The following TMEM120B variants were observed in gnomAD, a reference collection of about 807,000 sequenced individuals.
TMEM120B encodes transmembrane protein 120B.
Under a neutral mutation model 55.5 loss-of-function variants are expected in TMEM120B, and 31 were observed. That is an observed-to-expected ratio of 0.56 (90% CI 0.42 to 0.75). The LOEUF (loss-of-function observed/expected upper bound fraction) is 0.75. Ranked by LOEUF, TMEM120B falls within the 30% of genes least tolerant of loss-of-function variation. The pLI is 0.00. For missense variants in TMEM120B, 399 were observed against 425.5 expected, an observed-to-expected ratio of 0.94 and a Z score of 0.55; for synonymous variants, 203 against 176.3, an observed-to-expected ratio of 1.15 and a Z score of -1.20.
intron 1 of TMEM120B, among the ~76,000 whole-genome samples, chr12:121,718,649 G>A (rs908755832): frequency 2.0e-5 from 3 of 152,096 alleles, no homozygotes; most frequent in Non-Finnish European, 2.9e-5. Context: ...TACTAATACC[G>A]TGGGCTCCAA....
intron 4 of TMEM120B, among the ~76,000 whole-genome samples, chr12:121,750,890 AC>A (rs1234256587): frequency 2.3e-5 from 1 of 42,732 alleles, no homozygotes; most frequent in Non-Finnish European, 4.5e-5. Flanking sequence ...ACCACACCCC[AC>A]ATCCCACACC....
rs1227306315 is a variant in TMEM120B at position 121,778,542 on chromosome 12, A to G, written c.*2820A>G. On this transcript the variant is annotated 3_prime_UTR_variant, in exon 12 of 12. Coordinates refer to ENST00000449592, the MANE Select transcript of TMEM120B (RefSeq NM_001080825.2). ...TTAGGTATCTGGCTGTTGGTGACAC[A>G]GGTGGTCTATGAACCAGTTCTGAGA... 6.6e-6 allele frequency: 1 copy of G among 152,058 alleles called. No individual in the cohort carries two copies. Among genetic ancestry groups the G allele is most frequent in the Non-Finnish European group, 1.5e-5 (1 of 68,060 alleles). The allele number at this position is 152,058 out of a possible 1,614,324, so 9.4% of individuals were successfully genotyped here.
rs113231839 is a variant in TMEM120B, at chr12:121,772,567, G to A, written c.680-854G>A. Among the ~76,000 whole-genome samples, 793 of 151,952 alleles carry A rather than the reference G, an allele frequency of 5.2e-3. 12 individuals carry two copies. The highest frequency in any genetic ancestry group is 0.018 in the African/African-American group (763 of 41,436). On this transcript the variant is annotated intron_variant, in intron 8 of 11. Transcript: ENST00000449592. ...CTCCTGCCAAGTAGCTGGGATTACA[G>A]GTGCCTGCCACCATGCCTGGTTACT...
At chr12:121,750,225 C>T (rs543535869) in intron 3 of TMEM120B, among the ~76,000 whole-genome samples, 155 bp from the exon 4 acceptor site, 6 of 152,002 alleles carry the variant, frequency 3.9e-5, no homozygotes, top group Admixed American at 3.9e-4. Context: ...TTGTCATTCT[C>T]ACTCGATGTG....
In TMEM120B at chr12:121,776,499, C is replaced by G. The variant is rs533405538; in HGVS notation, c.*777C>G. On this transcript the variant is annotated 3_prime_UTR_variant, in exon 12 of 12. Transcript: ENST00000449592. The stretch of plus-strand genomic sequence containing the variant: ...GCCCCTGTGGAGGGGAACCACCTCC[C>G]CCCTCCTTCCCAGAGCTTCTGGATG... 6.6e-6 allele frequency: 1 copy of G among 152,246 alleles called. No individual in the cohort carries two copies. The highest frequency in any genetic ancestry group is 1.5e-5 in the Non-Finnish European group (1 of 68,070). The allele number at this position is 152,246 out of a possible 1,614,324, so 9.4% of individuals were successfully genotyped here. A position where few individuals can be genotyped will look rare whatever the true frequency, so the allele number is the denominator to read the frequency against.
At chr12:121,747,263 TGGGAGGCTGGGGTAGAAGGC>T (rs1873115422) in intron 2 of TMEM120B, among the ~76,000 whole-genome samples, 1 of 125,124 alleles carries the variant, frequency 8.0e-6, no homozygotes, top group African/African-American at 3.1e-5. Context: ...GGGTAGAAGG[TGGGAGGCTGGGGTAGAAGGC>T]GGGAGGCTGG....
In TMEM120B at chr12:121,779,511, C is replaced by T. The variant is rs1460379792; in HGVS notation, c.*3789C>T. ...GTCTGCCCTGGGTCAGAGCAGCAGG[C>T]AGAGCCGGCGCTTCTTCTGCCGTTG... On this transcript the variant is annotated 3_prime_UTR_variant, in exon 12 of 12. Transcript: ENST00000449592. The T allele has an allele frequency of 6.2e-7, 1 of 1,612,156 alleles. No individual in the cohort carries two copies. Among genetic ancestry groups the T allele is most frequent in the African/African-American group, 1.3e-5 (1 of 74,946 alleles).
intron 5 of TMEM120B, among the ~76,000 whole-genome samples, chr12:121,753,321 C>T (rs1418858954): frequency 6.6e-6 from 1 of 152,120 alleles, no homozygotes; most frequent in Non-Finnish European, 1.5e-5. Flanking sequence ...GGAAGGAGGG[C>T]ATGACTGCTA....
intron 5 of TMEM120B, among the ~76,000 whole-genome samples, chr12:121,753,157 T>C (rs908697794): frequency 5.9e-5 from 9 of 152,172 alleles, no homozygotes; most frequent in Admixed American, 4.6e-4. Flanking sequence ...GGAGCCAGGC[T>C]GCAGCATGGA....
intron 1 of TMEM120B, among the ~76,000 whole-genome samples, chr12:121,722,895 C>G (rs1450422722): frequency 6.9e-6 from 1 of 145,318 alleles, no homozygotes; most frequent in Non-Finnish European, 1.5e-5. Flanking sequence ...GTTGCCCAGG[C>G]TGGAGTGCAA....
intron 6 of TMEM120B, among the ~76,000 whole-genome samples, chr12:121,769,707 A>G (rs1245592074): frequency 1.2e-5 from 1 of 81,322 alleles, no homozygotes; most frequent in Non-Finnish European, 2.6e-5. Flanking sequence ...TGCCTGGAAA[A>G]GAGAAAACGT....
At chr12:121,771,063 G>T in intron 7 of TMEM120B, 91 bp downstream of exon 7, 2 of 1,394,718 alleles carry the variant, frequency 1.4e-6, no homozygotes, top group Non-Finnish European at 2.0e-6. Context: ...GACAGCGGTG[G>T]GGGGTGTGCT....
At chr12:121,756,458 A>G (rs1464951436) in intron 5 of TMEM120B, among the ~76,000 whole-genome samples, 1 of 152,216 alleles carries the variant, frequency 6.6e-6, no homozygotes. Flanking sequence ...GAGTCTTGCT[A>G]TGACCAGTCC....
chr12:121,779,822 G>T lies in TMEM120B; in HGVS notation c.*4100G>T. 2 of 740,770 alleles carry T rather than the reference G, an allele frequency of 2.7e-6. No individual in the cohort carries two copies. The highest frequency in any genetic ancestry group is 4.3e-6 in the Non-Finnish European group (2 of 460,754). 45.9% of individuals were successfully genotyped at this position (740,770 alleles called of 1,614,324 possible). On this transcript the variant is annotated 3_prime_UTR_variant, in exon 12 of 12. Coordinates refer to ENST00000449592, the MANE Select transcript of TMEM120B (RefSeq NM_001080825.2). ...CCTGGCTGCCCCTCACAGTGTGTGGGTGGAATGGAGGGCCAGGGCAGTGCA... is the reference window on the plus strand; with the variant it reads ...CCTGGCTGCCCCTCACAGTGTGTGGTTGGAATGGAGGGCCAGGGCAGTGCA...
chr12:121,712,985 C>T, intron 1 of TMEM120B, 21 bp downstream of exon 1: 1 of 1,523,508 alleles, frequency 6.6e-7, no homozygotes, highest in South Asian at 1.3e-5. Context: ...GCCACCTGGT[C>T]CCGCAACTCT....
intron 6 of TMEM120B, 90 bp downstream of exon 6, chr12:121,761,828 C>A (rs142182673): frequency 1.0e-6 from 1 of 965,524 alleles, no homozygotes; most frequent in Non-Finnish European, 1.7e-6. Flanking sequence ...CACCCTCAGG[C>A]TGCATTCCTC....
At chr12:121,759,812 C>T (rs1476868746) in intron 5 of TMEM120B, among the ~76,000 whole-genome samples, 2 of 151,922 alleles carry the variant, frequency 1.3e-5, no homozygotes, top group African/African-American at 4.8e-5. Context: ...GCCTGGCCAA[C>T]ATGGTGAAAC....
rs200850568 is a variant in TMEM120B, at chr12:121,734,266, C to CT, written c.70-9354dup. ...ATCTTCTGGAGGTTTCTTTCTTTTT[C>CT]TTTTTTTTTGAGATGGAGTTTTGCT... On this transcript the variant is annotated intron_variant, in intron 1 of 11. Transcript: ENST00000449592. Among the ~76,000 whole-genome samples, 1,675 of 151,148 alleles carry CT rather than the reference C, an allele frequency of 0.011. 52 individuals carry two copies. In the East Asian group the frequency reaches 0.15, roughly 14 times the overall value.
chr12:121,740,943 T>C (rs951982897), intron 1 of TMEM120B, among the ~76,000 whole-genome samples: 2 of 152,160 alleles, frequency 1.3e-5, no homozygotes, highest in African/African-American at 4.8e-5. Context: ...TCACAACTAC[T>C]TGTTTTGCTG....
Sources: allele counts gnomAD v4.1 joint callset (sites outside exome capture counted in the v4.1 genomes callset), GRCh38; gene constraint gnomAD v4.1.1; transcripts MANE v1.5; gene names NCBI Gene and HGNC (gene_info 2026-07-23, HGNC 2026-07-21).